The following ERICH6 variants were observed in gnomAD, a reference collection of about 807,000 sequenced individuals.
ERICH6 encodes glutamate rich 6.
In ERICH6, 71 loss-of-function variants were observed where a neutral mutation model predicts 71.0. The ratio of observed to expected loss-of-function variants is 1.00; its 90% CI spans 0.83 to 1.22. The LOEUF (loss-of-function observed/expected upper bound fraction) is 1.22. Among genes scored for constraint, ERICH6 ranks in the 50% most tolerant of loss-of-function variants. The pLI, the probability that ERICH6 is intolerant of heterozygous loss-of-function variation, is 0.00. For missense variants in ERICH6, 808 were observed against 797.2 expected (o/e 1.01, Z -0.16); for synonymous variants, 262 against 278.4 (o/e 0.94, Z 0.59).
intron 12 of ERICH6, among the ~76,000 whole-genome samples, chr3:150,667,380 C>T (rs114742687): frequency 0.01 from 1,541 of 152,232 alleles, 33 homozygotes; most frequent in African/African-American, 0.035. Context: ...TTTCACCACA[C>T]CGAAATAAAG....
At chr3:150,690,278 G>GAT (rs1712378296) in intron 3 of ERICH6, among the ~76,000 whole-genome samples, 1 of 152,114 alleles carries the variant, frequency 6.6e-6, no homozygotes, top group Non-Finnish European at 1.5e-5. Context: ...CACACGTTAT[G>GAT]ATATACATTT....
chr3:150,698,916 T>C, intron 2 of ERICH6, 34 bp from the exon 3 acceptor site: 2 of 1,403,586 alleles, frequency 1.4e-6, no homozygotes, highest in Non-Finnish European at 2.0e-6. Flanking sequence ...TGAGTATACC[T>C]ATATAGTTGT....
chr3:150,681,072 T>C lies in ERICH6; in HGVS notation c.883-142A>G, dbSNP rs1202716001. On this transcript the variant is annotated intron_variant, in intron 7 of 13. Coordinates refer to ENST00000295910, the MANE Select transcript of ERICH6 (RefSeq NM_152394.5). ...TAGCTTTATTAAGATATAATTCACA[T>C]ACCATACAATTCACCCATTTAAAAA... The C allele has an allele frequency of 1.8e-5, 15 of 825,130 alleles. No homozygotes were observed. The African/African-American group carries it at 2.0e-4, about 11-fold the overall frequency. 51.1% of individuals were successfully genotyped at this position (825,130 alleles called of 1,614,324 possible). A position where few individuals can be genotyped will look rare whatever the true frequency, so the allele number is the denominator to read the frequency against.
intron 6 of ERICH6, among the ~76,000 whole-genome samples, chr3:150,685,037 A>G (rs1000337630): frequency 6.6e-6 from 1 of 152,030 alleles, no homozygotes; most frequent in African/African-American, 2.4e-5. Flanking sequence ...TTTTTTAAAA[A>G]AGACAGGGTC....
chr3:150,686,215 T>A, intron 4 of ERICH6, 83 bp downstream of exon 4: 2 of 1,489,662 alleles, frequency 1.3e-6, no homozygotes, highest in Non-Finnish European at 9.4e-7. Flanking sequence ...TCAAAGCAGA[T>A]GGGCTCTGTG....
At chr3:150,695,825 G>C (rs540696356) in intron 3 of ERICH6, among the ~76,000 whole-genome samples, 17 of 150,564 alleles carry the variant, frequency 1.1e-4, no homozygotes, top group Admixed American at 5.3e-4. Flanking sequence ...AGGTACACTA[G>C]GTTCCTGAAA....
chr3:150,666,044 ATCATTAT>A (rs1727404448), intron 13 of ERICH6, among the ~76,000 whole-genome samples: 2 of 152,208 alleles, frequency 1.3e-5, no homozygotes, highest in Admixed American at 6.5e-5. Context: ...TAAGGTCGGA[ATCATTAT>A]TCCATTTTAT....
At chr3:150,667,395 G>T (rs7611154) in intron 12 of ERICH6, among the ~76,000 whole-genome samples, 5,034 of 152,234 alleles carry the variant, frequency 0.033, 260 homozygotes, top group African/African-American at 0.12. Context: ...ATAAAGACCT[G>T]TGGCTGTAAA....
intron 3 of ERICH6, among the ~76,000 whole-genome samples, chr3:150,694,771 T>C (rs1051436975): frequency 6.6e-6 from 1 of 152,226 alleles, no homozygotes; most frequent in African/African-American, 2.4e-5. Context: ...TGGTTTATCA[T>C]CCCCACATCT....
chr3:150,690,924 G>A (rs569598392), intron 3 of ERICH6, among the ~76,000 whole-genome samples: 4 of 152,290 alleles, frequency 2.6e-5, no homozygotes, highest in Middle Eastern at 3.4e-3. Flanking sequence ...TTCTAATCTT[G>A]TGGCTTTAGG....
At position 150,682,271 on chromosome 3, in the gene ERICH6, C is replaced by T. The variant is rs556312892; in HGVS notation, c.829G>A (p.Asp277Asn). 5.1e-5 allele frequency: 82 copies of T among 1,613,810 alleles called. No individual in the cohort carries two copies. Among genetic ancestry groups the T allele is most frequent in the Middle Eastern group, 1.6e-4 (1 of 6,062 alleles). Residue 277 changes from aspartate (D) to asparagine (N), a missense_variant, in exon 7 of 14, where the codon GAT (aspartate) becomes AAT (asparagine). Coordinates refer to ENST00000295910, the MANE Select transcript of ERICH6 (RefSeq NM_152394.5). ...TSPKCEFCGS[D>N]LRAFFSNVDV... ...ACATTAGAAAAAAATGCTCTTAGAT[C>T]GCTGCCACAAAATTCACATTTGGGT...
At chr3:150,695,662 G>A (rs1222444632) in intron 3 of ERICH6, among the ~76,000 whole-genome samples, 1 of 151,886 alleles carries the variant, frequency 6.6e-6, no homozygotes, top group Non-Finnish European at 1.5e-5. Context: ...GCGAGACTTC[G>A]TCTCAAAAAG....
chr3:150,698,104 A>G (rs1712720409), intron 3 of ERICH6, among the ~76,000 whole-genome samples: 1 of 151,760 alleles, frequency 6.6e-6, no homozygotes, highest in South Asian at 2.1e-4. Context: ...ACACTTTCCA[A>G]CCCCTTCCCT....
intron 13 of ERICH6, among the ~76,000 whole-genome samples, chr3:150,665,930 CATCCATCTCTATTTGT>C (rs369381921): frequency 6.6e-6 from 1 of 151,760 alleles, no homozygotes; most frequent in Non-Finnish European, 1.5e-5. Context: ...TATAGCTATA[CATCCATCTCTATTTGT>C]ATCCATCTCT....
At chr3:150,679,734 T>C (rs1711820263) in intron 9 of ERICH6, among the ~76,000 whole-genome samples, 1 of 152,190 alleles carries the variant, frequency 6.6e-6, no homozygotes, top group African/African-American at 2.4e-5. Context: ...CCTGGCTTAC[T>C]GCTACCTCTG....
Position 150,703,503 on chromosome 3 carries a change from C to T in ERICH6, c.396G>A (p.Ser132=). The T allele has an allele frequency of 6.3e-7, 1 of 1,592,074 alleles. No individual in the cohort carries two copies. Among genetic ancestry groups the T allele is most frequent in the Non-Finnish European group, 8.6e-7 (1 of 1,168,812 alleles). ...GTGGGTCGGGGGCGGTACTTTTATG[C>T]GAGGAGGTGCTGGAGGGTGGGCTTG... is the stretch of plus-strand genomic sequence containing the variant. The part of the protein sequence containing the change: ...PSASPPSSTS[S]HKSFPKIFQT... Residue 132 remains serine (S), a synonymous_variant, in exon 1 of 14, where the codon TCG becomes TCA. Transcript: ENST00000295910.
At chr3:150,666,743 T>A (rs1413558493) in intron 13 of ERICH6, 44 bp downstream of exon 13, 1 of 1,537,764 alleles carries the variant, frequency 6.5e-7, no homozygotes, top group Non-Finnish European at 8.9e-7. Flanking sequence ...TTTACTCTTA[T>A]TATTATTCTA....
chr3:150,699,297 C>A (rs1712770271), intron 2 of ERICH6, among the ~76,000 whole-genome samples: 1 of 152,142 alleles, frequency 6.6e-6, no homozygotes, highest in South Asian at 2.1e-4. Flanking sequence ...GGAGACAGAG[C>A]AAGGCTCTAT....
At chr3:150,674,462 A>G (rs928499296) in intron 10 of ERICH6, among the ~76,000 whole-genome samples, 3 of 152,108 alleles carry the variant, frequency 2.0e-5, no homozygotes, top group Non-Finnish European at 4.4e-5. Flanking sequence ...CTGCCCCAAT[A>G]CTATACTGCC....
Sources: allele counts gnomAD v4.1 joint callset (sites outside exome capture counted in the v4.1 genomes callset), GRCh38; gene constraint gnomAD v4.1.1; transcripts MANE v1.5; gene names NCBI Gene and HGNC (gene_info 2026-07-23, HGNC 2026-07-21).